Variants in IQCK observed in about 807,000 individuals in gnomAD.
IQCK encodes IQ domain-containing protein K.
Under a neutral mutation model 28.1 loss-of-function variants are expected in IQCK, and 29 were observed. The ratio of observed to expected loss-of-function variants is 1.03; its 90% CI spans 0.77 to 1.41. IQCK has a LOEUF of 1.41. IQCK is among the 40% of genes most tolerant of loss of function. The probability of loss-of-function intolerance (pLI) is 0.00; values close to 1 mark genes in which losing one functional copy is unlikely to be tolerated. For missense variants in IQCK, 359 were observed against 314.7 expected (o/e 1.14, Z -1.07); for synonymous variants, 113 against 115.1 (o/e 0.98, Z 0.12).
intron 7 of IQCK, among the ~76,000 whole-genome samples, chr16:19,814,234 A>C (rs897304774): frequency 2.0e-5 from 3 of 148,658 alleles, no homozygotes; most frequent in East Asian, 1.9e-4. Flanking sequence ...AAAAAAAAAA[A>C]AAAAAAAAAA....
intron 4 of IQCK, among the ~76,000 whole-genome samples, chr16:19,762,927 G>T (rs2055170943): frequency 6.6e-6 from 1 of 152,080 alleles, no homozygotes; most frequent in African/African-American, 2.4e-5. Flanking sequence ...GAGGTGGAAG[G>T]ATCACTTGAG....
chr16:19,772,061 A>G (rs2055327846), intron 6 of IQCK, among the ~76,000 whole-genome samples: 1 of 152,212 alleles, frequency 6.6e-6, no homozygotes, highest in Admixed American at 6.5e-5. Context: ...GGTTGGTAAA[A>G]TCAGGGTTGA....
At chr16:19,834,145 A>G (rs142140487) in intron 9 of IQCK, among the ~76,000 whole-genome samples, 7 of 152,276 alleles carry the variant, frequency 4.6e-5, no homozygotes, top group African/African-American at 1.7e-4. Flanking sequence ...TAGCCCATGT[A>G]ATTGGGTGCA....
At chr16:19,857,396 A>ATT (rs1361878413) in exon 10 of IQCK, 2 of 427,106 alleles carry the variant, frequency 4.7e-6, no homozygotes, top group African/African-American at 4.2e-5. Flanking sequence ...TAATATTTAT[A>ATT]TAGTCGTTTA....
chr16:19,820,349 T>C (rs2056053813), intron 7 of IQCK, among the ~76,000 whole-genome samples: 1 of 152,102 alleles, frequency 6.6e-6, no homozygotes, highest in Admixed American at 6.6e-5. Context: ...AAACCCCATC[T>C]CTACTAAAAA....
At chr16:19,831,809 A>G (rs1218536291), downstream of IQCK, among the ~76,000 whole-genome samples, 1 of 152,072 alleles carries the variant, frequency 6.6e-6, no homozygotes, top group Non-Finnish European at 1.5e-5. Context: ...GGCAGTCAGG[A>G]GGTCTGAGGG....
downstream of IQCK, among the ~76,000 whole-genome samples, chr16:19,831,512 C>T (rs747059401): frequency 1.3e-5 from 2 of 152,022 alleles, no homozygotes; most frequent in Non-Finnish European, 2.9e-5. Context: ...AATAAATCTC[C>T]CCAGCCAAGG....
chr16:19,837,769 G>C (rs1001266569), intron 9 of IQCK, among the ~76,000 whole-genome samples: 1 of 152,182 alleles, frequency 6.6e-6, no homozygotes, highest in Non-Finnish European at 1.5e-5. Context: ...GCTGTGTCAG[G>C]CTAGAGGCCA....
intron 1 of IQCK, among the ~76,000 whole-genome samples, chr16:19,729,866 A>C (rs1387453858): frequency 6.6e-6 from 1 of 151,202 alleles, no homozygotes; most frequent in African/African-American, 2.4e-5. Context: ...GGATGGTCTC[A>C]ATCTCCTGAC....
In IQCK at chr16:19,785,295, G is replaced by A. The variant is rs372450420; in HGVS notation, c.606-3543G>A. Among the ~76,000 whole-genome samples, 59 of 152,312 alleles carry A rather than the reference G, an allele frequency of 3.9e-4. No homozygotes were observed. The East Asian group carries it at 4.4e-3, about 11-fold the overall frequency. Reference sequence around the variant, plus strand: ...TGAGCAGAGAACAACCAGGACCTCTGTACAGGGTGCCCCTGGCTAGGGGTA... The same window carrying A: ...TGAGCAGAGAACAACCAGGACCTCTATACAGGGTGCCCCTGGCTAGGGGTA... On this transcript the variant is annotated intron_variant, in intron 6 of 7. Coordinates refer to ENST00000564186, the Ensembl canonical transcript of IQCK.
chr16:19,847,844 C>T (rs1597611238), intron 9 of IQCK, among the ~76,000 whole-genome samples: 1 of 152,144 alleles, frequency 6.6e-6, no homozygotes, highest in East Asian at 1.9e-4. Flanking sequence ...ACTCTGTTTT[C>T]CAAGCTGGAG....
At position 19,722,932 on chromosome 16, in the gene IQCK, G is replaced by A. The variant is rs566268657; in HGVS notation, c.181+4445G>A. On this transcript the variant is annotated intron_variant, in intron 1 of 7. Coordinates refer to ENST00000564186, the Ensembl canonical transcript of IQCK. Reference sequence around the variant, plus strand: ...TCACCATGTTGGCCAGGCTGGTGTCGAACTCCTGACCTTAGGTGATCCACC... The same window carrying A: ...TCACCATGTTGGCCAGGCTGGTGTCAAACTCCTGACCTTAGGTGATCCACC... Among the ~76,000 whole-genome samples, 34 of 152,120 alleles carry A rather than the reference G, an allele frequency of 2.2e-4. No individual in the cohort carries two copies. The East Asian group carries it at 6.0e-3, about 27-fold the overall frequency.
At chr16:19,800,899 A>G (rs2055750229) in intron 7 of IQCK, among the ~76,000 whole-genome samples, 1 of 115,878 alleles carries the variant, frequency 8.6e-6, no homozygotes, top group Non-Finnish European at 1.5e-5. Context: ...TTAGAAACCT[A>G]TATTCCACCA....
chr16:19,730,422 C>T lies in IQCK; in HGVS notation c.182-8C>T. ...TGGAATTGAGGATTTTTTTTCCCTT[C>T]CCTTTAGAGTATGAAGCTGAGCAGC... On this transcript the variant is annotated splice_polypyrimidine_tract_variant and splice_region_variant and intron_variant, in intron 1 of 7. Coordinates refer to ENST00000564186, the Ensembl canonical transcript of IQCK. 6.3e-7 allele frequency: 1 copy of T among 1,583,996 alleles called. No individual in the cohort carries two copies. The highest frequency in any genetic ancestry group is 1.2e-5 in the South Asian group (1 of 85,484).
chr16:19,722,369 A>G (rs1454501322), intron 1 of IQCK, among the ~76,000 whole-genome samples: 1 of 152,024 alleles, frequency 6.6e-6, no homozygotes, highest in Non-Finnish European at 1.5e-5. Context: ...ATCCTGCTTT[A>G]TCACTCACTT....
intron 9 of IQCK, among the ~76,000 whole-genome samples, chr16:19,855,158 G>A (rs1005057828): frequency 8.5e-5 from 13 of 152,130 alleles, no homozygotes; most frequent in African/African-American, 2.4e-4. Flanking sequence ...CACTGGGCCA[G>A]GAATGACAGG....
chr16:19,806,142 A>G (rs904458574), intron 7 of IQCK, among the ~76,000 whole-genome samples: 1 of 152,214 alleles, frequency 6.6e-6, no homozygotes, highest in African/African-American at 2.4e-5. Flanking sequence ...CATTCTAGGC[A>G]GAAGGAAAAG....
intron 7 of IQCK, among the ~76,000 whole-genome samples, chr16:19,811,830 A>G (rs1474943675): frequency 6.6e-6 from 1 of 152,204 alleles, no homozygotes; most frequent in East Asian, 1.9e-4. Context: ...TCAGATCATT[A>G]GAATCACCTA....
chr16:19,750,641 T>C (rs1567542329), intron 4 of IQCK, among the ~76,000 whole-genome samples: 1 of 151,372 alleles, frequency 6.6e-6, no homozygotes, highest in Admixed American at 6.6e-5. Flanking sequence ...TTTGTGTTTT[T>C]AGTAGAGACG....
Sources: allele counts gnomAD v4.1 joint callset (sites outside exome capture counted in the v4.1 genomes callset), GRCh38; gene constraint gnomAD v4.1.1; transcripts MANE v1.5; gene names NCBI Gene and HGNC (gene_info 2026-07-23, HGNC 2026-07-21).